SYN3: variants seen among roughly 807,000 people sequenced by gnomAD.
SYN3 encodes synapsin-3.
SYN3 carries 35 observed loss-of-function variants against 65.8 expected under a neutral mutation model. The observed-to-expected ratio is 0.53, with a 90% CI of 0.41 to 0.70. The LOEUF is 0.70. Ranked by LOEUF, SYN3 falls within the 30% of genes least tolerant of loss-of-function variation. The pLI is 0.00. For missense variants in SYN3, 680 were observed against 749.0 expected (o/e 0.91, Z 1.08); for synonymous variants, 270 against 292.9 (o/e 0.92, Z 0.80).
chr22:32,881,269 A>G (rs1426877292), intron 4 of SYN3, among the ~76,000 whole-genome samples: 1 of 152,066 alleles, frequency 6.6e-6, no homozygotes. Flanking sequence ...TGAGATGAAA[A>G]ATGATGGTAC....
chr22:32,651,762 C>T (rs1004622846), intron 6 of SYN3, among the ~76,000 whole-genome samples: 6 of 152,190 alleles, frequency 3.9e-5, no homozygotes, highest in Non-Finnish European at 5.9e-5. Context: ...CTGGGTTGAT[C>T]CCTCAGATTT....
At chr22:32,734,857 C>T (rs1023171711) in intron 6 of SYN3, among the ~76,000 whole-genome samples, 1 of 152,202 alleles carries the variant, frequency 6.6e-6, no homozygotes, top group Non-Finnish European at 1.5e-5. Context: ...GCCTTTGACT[C>T]TCCCCAATTC....
chr22:32,817,944 C>T (rs1295923710), intron 6 of SYN3, among the ~76,000 whole-genome samples: 2 of 152,156 alleles, frequency 1.3e-5, no homozygotes, highest in African/African-American at 2.4e-5. Context: ...CACCGTCCTA[C>T]CTAATCATTT....
At chr22:32,659,822 TAA>T (rs934732250) in intron 6 of SYN3, among the ~76,000 whole-genome samples, 5 of 152,188 alleles carry the variant, frequency 3.3e-5, no homozygotes, top group Non-Finnish European at 7.3e-5. Flanking sequence ...GTCCCAGTTC[TAA>T]AGAGTGGCTG....
At chr22:33,035,336 C>CA (rs1181105085) in intron 1 of SYN3, among the ~76,000 whole-genome samples, 1 of 79,450 alleles carries the variant, frequency 1.3e-5, no homozygotes, top group Admixed American at 1.4e-4. Flanking sequence ...CGGGACCCCC[C>CA]CCCCCCCCGC....
At chr22:32,554,004 C>T (rs73881724) in intron 7 of SYN3, among the ~76,000 whole-genome samples, 1 of 152,208 alleles carries the variant, frequency 6.6e-6, no homozygotes, top group African/African-American at 2.4e-5. Context: ...ATCATCATCC[C>T]TCACTGGACC....
At chr22:32,800,408 G>T (rs1040477147) in intron 6 of SYN3, among the ~76,000 whole-genome samples, 1 of 152,166 alleles carries the variant, frequency 6.6e-6, no homozygotes, top group Non-Finnish European at 1.5e-5. Context: ...CGAGTTCCTG[G>T]CTGGCCACCA....
At chr22:32,949,060 A>G (rs1044712337) in intron 3 of SYN3, among the ~76,000 whole-genome samples, 4 of 152,072 alleles carry the variant, frequency 2.6e-5, no homozygotes, top group African/African-American at 9.7e-5. Context: ...CTAATCCCAA[A>G]ATCCAAAATC....
intron 1 of SYN3, chr22:33,014,457 C>T (rs903147217): frequency 6.6e-6 from 1 of 152,182 alleles, no homozygotes; most frequent in Non-Finnish European, 1.5e-5. Context: ...TCTGAGGAAC[C>T]TCCATGCCGT....
intron 6 of SYN3, among the ~76,000 whole-genome samples, chr22:32,636,718 C>G (rs918286903): frequency 6.6e-6 from 1 of 152,136 alleles, no homozygotes; most frequent in Non-Finnish European, 1.5e-5. Flanking sequence ...TATCTGAGAG[C>G]CCCAGAAAGA....
At chr22:32,651,564 T>TTGAA (rs143229085) in intron 6 of SYN3, among the ~76,000 whole-genome samples, 5,860 of 151,060 alleles carry the variant, frequency 0.039, 161 homozygotes, top group Middle Eastern at 0.068. Flanking sequence ...GGATGCATGC[T>TTGAA]TGAATGAATG....
intron 1 of SYN3, among the ~76,000 whole-genome samples, chr22:33,047,840 C>A (rs939759819): frequency 6.9e-6 from 1 of 145,742 alleles, no homozygotes; most frequent in Non-Finnish European, 1.5e-5. Context: ...CAAGGTTAGA[C>A]CTATTAGTCC....
At chr22:32,937,797 A>G (rs899353692) in intron 3 of SYN3, among the ~76,000 whole-genome samples, 3 of 151,434 alleles carry the variant, frequency 2.0e-5, no homozygotes, top group African/African-American at 7.3e-5. Context: ...AAGAGAAAAC[A>G]ATAAAAACAA....
intron 6 of SYN3, among the ~76,000 whole-genome samples, chr22:32,678,666 TTCC>T (rs139503635): frequency 0.087 from 13,152 of 151,418 alleles, 577 homozygotes; most frequent in African/African-American, 0.11. Context: ...TCTCCTCTTC[TTCC>T]TCCTCCTCCT....
intron 5 of SYN3, among the ~76,000 whole-genome samples, chr22:32,867,998 G>T (rs569138238): frequency 1.3e-5 from 2 of 152,316 alleles, no homozygotes; most frequent in South Asian, 4.2e-4. Context: ...TTGGGTGTTG[G>T]AGAGAGAGAT....
intron 4 of SYN3, among the ~76,000 whole-genome samples, chr22:32,871,117 T>A (rs2048839269): frequency 6.6e-6 from 1 of 152,216 alleles, no homozygotes. Context: ...AATAACCCCA[T>A]CCTTCTTCAT....
At chr22:32,857,940 C>A in intron 6 of SYN3, 1 of 1,609,392 alleles carries the variant, frequency 6.2e-7, no homozygotes, top group Non-Finnish European at 8.5e-7. Context: ...TAAGTGGGAA[C>A]ATAGTAGGTG....
chr22:32,877,421 G>A (rs951215883), intron 4 of SYN3, among the ~76,000 whole-genome samples: 1 of 152,146 alleles, frequency 6.6e-6, no homozygotes, highest in Non-Finnish European at 1.5e-5. Flanking sequence ...CAGCCTGTTG[G>A]CTCTAGAATA....
chr22:32,847,058 A>T (rs995416171), intron 6 of SYN3, among the ~76,000 whole-genome samples: 2 of 152,108 alleles, frequency 1.3e-5, no homozygotes, highest in African/African-American at 4.8e-5. Flanking sequence ...ATTTAAAGGA[A>T]TCCCTTTTGC....
Sources: gnomAD v4.1 joint callset for allele counts (sites outside exome capture counted in the v4.1 genomes callset) on GRCh38, gnomAD v4.1.1 for gene constraint, MANE v1.5 for transcripts, NCBI Gene and HGNC (gene_info 2026-07-23, HGNC 2026-07-21) for gene names.